The following PYHIN1 variants were observed in gnomAD, a reference collection of about 807,000 sequenced individuals.
The protein encoded by PYHIN1 is pyrin and HIN domain family member 1.
PYHIN1 carries 32 observed loss-of-function variants against 43.7 expected under a neutral mutation model. The ratio of observed to expected loss-of-function variants is 0.73; its 90% confidence interval spans 0.55 to 0.98. The LOEUF is 0.98. Ranked by LOEUF, PYHIN1 falls within the 50% of genes least tolerant of loss-of-function variation. The pLI is 0.00. For missense variants in PYHIN1, 588 were observed against 589.5 expected (o/e 1.00, Z 0.03); for synonymous variants, 205 against 203.1 (o/e 1.01, Z -0.08).
the PYHIN1 span, among the ~76,000 whole-genome samples, chr1:158,988,925 A>T: frequency 6.6e-6 from 1 of 152,192 alleles, no homozygotes; most frequent in African/African-American, 2.4e-5. Context: ...GGTATATGAC[A>T]AGTGGACACC....
intron 7 of PYHIN1, among the ~76,000 whole-genome samples, chr1:158,962,432 C>T (rs750158849): frequency 6.6e-6 from 1 of 152,140 alleles, no homozygotes; most frequent in Non-Finnish European, 1.5e-5. Flanking sequence ...AGCCACCCCA[C>T]GGAGAAGTGA....
Position 158,937,131 on chromosome 1 carries a change from C to T in PYHIN1, c.221C>T (p.Thr74Ile). ...KLIEFFKEIP[T>I]LGDLAETLKR... ...ATAGAATTCTTCAAAGAAATACCAACACTGGGAGACCTTGCTGAAACTCTT... is the reference window on the plus strand; with the variant it reads ...ATAGAATTCTTCAAAGAAATACCAATACTGGGAGACCTTGCTGAAACTCTT... The change falls in exon 2 of 9, where the codon ACA (threonine) becomes ATA (isoleucine). Residue 74 changes from threonine to isoleucine, a missense_variant. By Grantham distance (89) the Thr-to-Ile change is moderately conservative (BLOSUM62 -1). Coordinates refer to ENST00000368140, the MANE Select transcript of PYHIN1 (RefSeq NM_152501.5). 2.5e-6 allele frequency: 4 copies of T among 1,607,108 alleles called. No individual in the cohort carries two copies. Among genetic ancestry groups the T allele is most frequent in the Non-Finnish European group, 1.7e-6 (2 of 1,177,790 alleles).
chr1:158,973,813 A>T (rs765002807), intron 8 of PYHIN1, 42 bp downstream of exon 8: 1 of 1,603,920 alleles, frequency 6.2e-7, no homozygotes, highest in Admixed American at 1.7e-5. Flanking sequence ...CTAAAATATA[A>T]TTGTAGGGGT....
chr1:158,958,051 A>G (rs1329832316), intron 7 of PYHIN1, among the ~76,000 whole-genome samples: 5 of 152,220 alleles, frequency 3.3e-5, no homozygotes, highest in Non-Finnish European at 5.9e-5. Context: ...CTAAACCACA[A>G]TGAGATACCA....
intron 7 of PYHIN1, among the ~76,000 whole-genome samples, chr1:158,952,275 G>T (rs542729034): frequency 2.6e-3 from 397 of 152,174 alleles, no homozygotes; most frequent in Non-Finnish European, 4.4e-3. Flanking sequence ...TTAGCTGGCT[G>T]CGGATTTGTG....
At position 158,936,892 on chromosome 1, in the gene PYHIN1, C is replaced by A; in HGVS notation, c.-19C>A. On this transcript the variant is annotated splice_region_variant and 5_prime_UTR_variant, in exon 2 of 9. Transcript: ENST00000368140. ...CTATATACCATTTTTCTCTTGCAGG[C>A]TCACTTATATCTTTAGAGATGGCAA... 3.9e-6 allele frequency: 6 copies of A among 1,539,328 alleles called. No individual in the cohort carries two copies. In the East Asian group the frequency reaches 1.4e-4, roughly 35 times the overall value.
At position 158,973,783 on chromosome 1, in the gene PYHIN1, C is replaced by T; in HGVS notation, c.*5+12C>T. On this transcript the variant is annotated intron_variant, in intron 8 of 8. Coordinates refer to ENST00000368140, the MANE Select transcript of PYHIN1 (RefSeq NM_152501.5). ...GTTCCTTAAATAAGGTACCACCTTTCTATTTGCATTGCTGTACCTCTAAAA... is the reference window on the plus strand; with the variant it reads ...GTTCCTTAAATAAGGTACCACCTTTTTATTTGCATTGCTGTACCTCTAAAA... The T allele has an allele frequency of 6.2e-7, 1 of 1,612,434 alleles. No individual in the cohort carries two copies. Among genetic ancestry groups the T allele is most frequent in the Non-Finnish European group, 8.5e-7 (1 of 1,178,942 alleles).
chr1:158,981,692 G>C (rs1651490148), downstream of PYHIN1, among the ~76,000 whole-genome samples: 1 of 152,122 alleles, frequency 6.6e-6, no homozygotes, highest in South Asian at 2.1e-4. Flanking sequence ...GCTGTATGAA[G>C]AAAATTAAAA....
downstream of PYHIN1, among the ~76,000 whole-genome samples, chr1:158,977,592 T>C (rs951427517): frequency 6.6e-6 from 1 of 152,248 alleles, no homozygotes; most frequent in Non-Finnish European, 1.5e-5. Flanking sequence ...ATAATTAATT[T>C]ATTTTAGAGT....
chr1:158,960,717 C>T (rs1318307249), intron 7 of PYHIN1, among the ~76,000 whole-genome samples: 2 of 152,042 alleles, frequency 1.3e-5, no homozygotes, highest in East Asian at 3.9e-4. Flanking sequence ...GTTATGTTAA[C>T]CTAAAGCCAA....
At chr1:158,985,462 A>C in the PYHIN1 span, among the ~76,000 whole-genome samples, 1,128 of 152,314 alleles carry the variant, frequency 7.4e-3, 11 homozygotes, top group Non-Finnish European at 8.4e-3. Context: ...TTTGTTTAAG[A>C]ATGCTGAATG....
chr1:158,953,375 T>C (rs1649697836), intron 7 of PYHIN1, among the ~76,000 whole-genome samples: 2 of 150,666 alleles, frequency 1.3e-5, no homozygotes, highest in South Asian at 4.2e-4. Context: ...AAGAGAGCAG[T>C]GGTTCTCCCA....
At chr1:158,967,459 G>C (rs1650688805) in intron 7 of PYHIN1, among the ~76,000 whole-genome samples, 1 of 151,684 alleles carries the variant, frequency 6.6e-6, no homozygotes, top group Non-Finnish European at 1.5e-5. Flanking sequence ...CAAACAAATA[G>C]GAAAAGTTCC....
the PYHIN1 span, among the ~76,000 whole-genome samples, chr1:158,982,288 T>G: frequency 6.6e-6 from 1 of 152,068 alleles, no homozygotes; most frequent in East Asian, 1.9e-4. Flanking sequence ...ATATAAGTTT[T>G]TTTTAACTTT....
downstream of PYHIN1, among the ~76,000 whole-genome samples, chr1:158,977,989 G>A (rs915597166): frequency 6.6e-6 from 1 of 152,078 alleles, no homozygotes; most frequent in African/African-American, 2.4e-5. Context: ...ATGCAAAATA[G>A]CAATCTTCTG....
At chr1:158,986,327 TG>T in the PYHIN1 span, among the ~76,000 whole-genome samples, 2 of 152,182 alleles carry the variant, frequency 1.3e-5, no homozygotes, top group African/African-American at 4.8e-5. Context: ...TGCTATAAGT[TG>T]GGTTTAGTTG....
chr1:158,937,019 CCAA>C lies in PYHIN1; in HGVS notation c.110_112del (p.Pro37_Lys38delinsGln), dbSNP rs754081804. The C allele has an allele frequency of 1.4e-5, 22 of 1,613,712 alleles. No homozygotes were observed. The highest frequency in any genetic ancestry group is 1.7e-5 in the Non-Finnish European group (20 of 1,179,906). On this transcript the variant is annotated inframe_deletion, in exon 2 of 9. Coordinates refer to ENST00000368140, the MANE Select transcript of PYHIN1 (RefSeq NM_152501.5). ...ACTGAGTAACGATTTAAAACTTAAT[CCAA>C]AAATGAAAGAAGAGTATGACAAAAT...
intron 7 of PYHIN1, among the ~76,000 whole-genome samples, chr1:158,967,552 C>A (rs1193880739): frequency 6.6e-6 from 1 of 152,072 alleles, no homozygotes; most frequent in African/African-American, 2.4e-5. Context: ...CTATTCCTAT[C>A]AAACTACCAA....
chr1:158,978,854 C>T (rs777469452), downstream of PYHIN1, among the ~76,000 whole-genome samples: 6 of 152,158 alleles, frequency 3.9e-5, no homozygotes, highest in Non-Finnish European at 8.8e-5. Context: ...TTATATCTTA[C>T]TACACATCAG....
Sources: allele counts gnomAD v4.1 joint callset (sites outside exome capture counted in the v4.1 genomes callset), GRCh38; gene constraint gnomAD v4.1.1; transcripts MANE v1.5; gene names NCBI Gene and HGNC (gene_info 2026-07-23, HGNC 2026-07-21).